SLC10A4: variants seen among roughly 807,000 people sequenced by gnomAD.
SLC10A4 encodes the protein putative sodium/bile acid cotransporter 4.
SLC10A4 carries 17 observed loss-of-function variants against 22.5 expected under a neutral mutation model. The observed-to-expected ratio is 0.76, with a 90% CI of 0.52 to 1.14. SLC10A4 has a LOEUF of 1.14. Among genes scored for constraint, SLC10A4 ranks in the 50% most tolerant of loss-of-function variants. The probability of loss-of-function intolerance (pLI) is 0.00; values close to 1 mark genes in which losing one functional copy is unlikely to be tolerated. For missense variants in SLC10A4, 548 were observed against 584.0 expected (o/e 0.94, Z 0.64); for synonymous variants, 257 against 258.2 (o/e 1.00, Z 0.04).
At position 48,485,064 on chromosome 4, in the gene SLC10A4, C is replaced by T; in HGVS notation, c.723C>T (p.Leu241=). The T allele has an allele frequency of 1.2e-6, 2 of 1,614,144 alleles. No individual in the cohort carries two copies. The highest frequency in any genetic ancestry group is 1.3e-5 in the African/African-American group (1 of 75,036). ...LLPLGTVTLT[L]CSTLIPIGLG... is the part of the protein sequence containing the mutation. ...CCCTAGGGACCGTGACCCTGACTCTCTGCAGCACTCTCATACCTATCGGGT... is the reference window on the plus strand; with the variant it reads ...CCCTAGGGACCGTGACCCTGACTCTTTGCAGCACTCTCATACCTATCGGGT... The change falls in exon 2 of 3, where the codon CTC becomes CTT. Residue 241 remains leucine, a synonymous_variant. Coordinates refer to ENST00000273861, the MANE Select transcript of SLC10A4 (RefSeq NM_152679.4).
In SLC10A4 at chr4:48,488,645, T is replaced by C; in HGVS notation, c.1020T>C (p.Asn340=). 1.2e-6 allele frequency: 2 copies of C among 1,614,164 alleles called. No homozygotes were observed. Among genetic ancestry groups the C allele is most frequent in the Non-Finnish European group, 1.7e-6 (2 of 1,180,030 alleles). ...RTVCLETGSQ[N]VQLCTAILKL... ...TATGTCTGGAAACAGGTAGTCAGAA[T>C]GTGCAGCTCTGTACAGCCATTCTAA... Residue 340 remains asparagine, a synonymous_variant, in exon 3 of 3, where the codon AAT becomes AAC. Coordinates refer to ENST00000273861, the MANE Select transcript of SLC10A4 (RefSeq NM_152679.4).
intron 2 of SLC10A4, among the ~76,000 whole-genome samples, chr4:48,487,768 G>GAA (rs1376022270): frequency 7.5e-6 from 1 of 132,628 alleles, no homozygotes; most frequent in Non-Finnish European, 1.6e-5. Context: ...AGCTTTTGAA[G>GAA]GCTATTTTTT....
At position 48,488,557 on chromosome 4, in the gene SLC10A4, G is replaced by C; in HGVS notation, c.932G>C (p.Gly311Ala). ...YVIAIFMPLA[G>A]YASGYGLATL... ...ATAGCAATTTTTATGCCTTTGGCAG[G>C]CTACGCTTCAGGTTATGGTTTAGCT... Residue 311 changes from glycine (G) to alanine (A), a missense_variant, in exon 3 of 3, where the codon GGC (glycine) becomes GCC (alanine). Transcript: ENST00000273861. 1.2e-6 allele frequency: 2 copies of C among 1,613,896 alleles called. No homozygotes were observed. The highest frequency in any genetic ancestry group is 1.7e-6 in the Non-Finnish European group (2 of 1,179,984).
At chr4:48,487,405 G>A (rs1435758577) in intron 2 of SLC10A4, among the ~76,000 whole-genome samples, 15 of 152,238 alleles carry the variant, frequency 9.9e-5, no homozygotes, top group Non-Finnish European at 1.3e-4. Context: ...ATATTTTGAG[G>A]GTTAAAAAGA....
In SLC10A4 at chr4:48,483,687, C is replaced by A. The variant is rs747233968; in HGVS notation, c.126C>A (p.Ala42=). The change falls in exon 1 of 3, where the codon GCC becomes GCA. Residue 42 remains alanine, a synonymous_variant. Coordinates refer to ENST00000273861, the MANE Select transcript of SLC10A4 (RefSeq NM_152679.4). This position sits in a 1 kb window ranked among gnomAD's most constrained non-coding sequence, Gnocchi z 5.4. ...TDLALAPASS[A]GPGPGLSLGP... ...TCGCCCTCGCCCCTGCCTCCAGCGCCGGCCCCGGCCCTGGGCTCAGCCTCG... is the reference window on the plus strand; with the variant it reads ...TCGCCCTCGCCCCTGCCTCCAGCGCAGGCCCCGGCCCTGGGCTCAGCCTCG... The A allele has an allele frequency of 1.4e-5, 21 of 1,469,262 alleles. No homozygotes were observed. In the Middle Eastern group the frequency reaches 1.1e-3, roughly 74 times the overall value. The allele number at this position is 1,469,262 out of a possible 1,614,324, so 91.0% of individuals were successfully genotyped here. A position where few individuals can be genotyped will look rare whatever the true frequency, so the allele number is the denominator to read the frequency against.
chr4:48,484,899 C>T (rs1262093212), intron 1 of SLC10A4, 33 bp from the exon 2 acceptor site: 2 of 1,592,546 alleles, frequency 1.3e-6, no homozygotes, highest in Non-Finnish European at 1.7e-6. Flanking sequence ...ACTCAAAGCT[C>T]GTTCTGATTT....
Position 48,483,594 on chromosome 4 carries a change from C to T in SLC10A4, c.33C>T (p.Phe11=), listed in dbSNP as rs1718218709. The T allele has an allele frequency of 4.7e-6, 7 of 1,505,094 alleles. No homozygotes were observed. Among genetic ancestry groups the T allele is most frequent in the South Asian group, 1.2e-5 (1 of 81,096 alleles). 93.2% of individuals were successfully genotyped at this position (1,505,094 alleles called of 1,614,324 possible). MDGNDNVTLL[F]APLLRDNYTL... ...GCAACGACAACGTGACCCTGCTCTT[C>T]GCCCCTCTGCTGCGGGACAACTACA... Residue 11 remains phenylalanine, a synonymous_variant, in exon 1 of 3, where the codon TTC becomes TTT. Transcript: ENST00000273861. This position sits in a 1 kb window ranked among gnomAD's most constrained non-coding sequence, Gnocchi z 5.4.
chr4:48,489,161 G>A lies in SLC10A4; in HGVS notation c.*222G>A, dbSNP rs916594783. On this transcript the variant is annotated 3_prime_UTR_variant, in exon 3 of 3. Transcript: ENST00000273861. ...ACCTGGAATGGCTAACGTGAAGCCT[G>A]AATTAAATGTGGTTTTTAGTTTTTA... 8 of 447,692 alleles carry A rather than the reference G, an allele frequency of 1.8e-5. No individual in the cohort carries two copies. The highest frequency in any genetic ancestry group is 2.7e-5 in the Non-Finnish European group (7 of 262,020). The allele number at this position is 447,692 out of a possible 1,614,324, so 27.7% of individuals were successfully genotyped here.
chr4:48,484,301 G>A, intron 1 of SLC10A4, 150 bp downstream of exon 1: 1 of 818,686 alleles, frequency 1.2e-6, no homozygotes, highest in African/African-American at 1.7e-5. Context: ...TGACGCCCCG[G>A]CTTTAGAAGT....
At position 48,485,155 on chromosome 4, in the gene SLC10A4, C is replaced by T. The variant is rs747666032; in HGVS notation, c.801+13C>T. 6.2e-7 allele frequency: 1 copy of T among 1,612,926 alleles called. No individual in the cohort carries two copies. Among genetic ancestry groups the T allele is most frequent in the South Asian group, 1.1e-5 (1 of 91,032 alleles). ...CTACATTGTGAAGGTAAGGCCCCCT[C>T]TTCCCTTTCCATACTAGCTTGGAGA... On this transcript the variant is annotated intron_variant, in intron 2 of 2. Coordinates refer to ENST00000273861, the MANE Select transcript of SLC10A4 (RefSeq NM_152679.4).
rs754095845 is a variant in SLC10A4, at chr4:48,488,930, TTCTC to T, written c.1309_1312del (p.Leu437LysfsTer12). Reference sequence around the variant, plus strand: ...TAATAATGATGGAAACCGCTCAGACTTCTCTCTAAATGTGGAGATACACAGGAGC... The same window carrying T: ...TAATAATGATGGAAACCGCTCAGACTTCTAAATGTGGAGATACACAGGAGC... On this transcript the variant is annotated frameshift_variant, in exon 3 of 3. Coordinates refer to ENST00000273861, the MANE Select transcript of SLC10A4 (RefSeq NM_152679.4). LOFTEE classifies it high-confidence loss of function. The T allele has an allele frequency of 3.5e-5, 55 of 1,589,750 alleles. 1 individual carries two copies. The South Asian group carries it at 4.4e-4, about 13-fold the overall frequency.
In SLC10A4 at chr4:48,483,531, G is replaced by T. The variant is rs1347619052; in HGVS notation, c.-31G>T. 1 of 1,476,396 alleles carries T rather than the reference G, an allele frequency of 6.8e-7. No individual in the cohort carries two copies. The highest frequency in any genetic ancestry group is 2.3e-5 in the Admixed American group (1 of 42,982). 91.5% of individuals were successfully genotyped at this position (1,476,396 alleles called of 1,614,324 possible). ...GGACGGCGAGAGGCACGCGGCGGGA[G>T]GGGACCGGAATCCGCAGCTCCGGCC... On this transcript the variant is annotated 5_prime_UTR_variant, in exon 1 of 3. The change creates a new upstream start codon in the 5' untranslated region. Transcript: ENST00000273861. The surrounding 1 kb of genome is among the most constrained non-coding windows in gnomAD (Gnocchi z 5.4).
At chr4:48,486,556 T>G (rs1251898117) in intron 2 of SLC10A4, among the ~76,000 whole-genome samples, 1 of 150,652 alleles carries the variant, frequency 6.6e-6, no homozygotes, top group African/African-American at 2.4e-5. Context: ...GACATAAGAT[T>G]AGCTACCTTT....
In SLC10A4 at chr4:48,489,490, C is replaced by T. The variant is rs1718349793; in HGVS notation, c.*551C>T. 6.6e-6 allele frequency among the ~76,000 whole-genome samples: 1 copy of T among 152,228 alleles called. No individual in the cohort carries two copies. Among genetic ancestry groups the T allele is most frequent in the Non-Finnish European group, 1.5e-5 (1 of 68,042 alleles). ...TGTATTTGATTACTTGATCTGGTAT[C>T]TACTTATTAATGAATAATCAACATT... On this transcript the variant is annotated 3_prime_UTR_variant, in exon 3 of 3. Coordinates refer to ENST00000273861, the MANE Select transcript of SLC10A4 (RefSeq NM_152679.4).
Position 48,489,235 on chromosome 4 carries a change from C to T in SLC10A4, c.*296C>T, listed in dbSNP as rs1259131406. On this transcript the variant is annotated 3_prime_UTR_variant, in exon 3 of 3. Transcript: ENST00000273861. ...TGCAAATACAGAATCTATTAGAAAA[C>T]AGGGTCTTGGAAATGTAGAATTTTG... The T allele has an allele frequency of 4.1e-6, 1 of 244,554 alleles. No homozygotes were observed. The highest frequency in any genetic ancestry group is 2.3e-5 in the African/African-American group (1 of 44,374). 15.1% of individuals were successfully genotyped at this position (244,554 alleles called of 1,614,324 possible). A position where few individuals can be genotyped will look rare whatever the true frequency, so the allele number is the denominator to read the frequency against.
chr4:48,485,684 T>C (rs1405473487), intron 2 of SLC10A4, among the ~76,000 whole-genome samples: 1 of 152,158 alleles, frequency 6.6e-6, no homozygotes, highest in Non-Finnish European at 1.5e-5. Flanking sequence ...ACACACAAAA[T>C]ATTGGCTTTA....
chr4:48,487,185 A>G (rs1186902143), intron 2 of SLC10A4, among the ~76,000 whole-genome samples: 1 of 152,230 alleles, frequency 6.6e-6, no homozygotes, highest in Non-Finnish European at 1.5e-5. Context: ...TTTTATACAG[A>G]AGTCAGTTGT....
In SLC10A4 at chr4:48,483,824, C is replaced by T. The variant is rs1006155467; in HGVS notation, c.263C>T (p.Pro88Leu). The T allele has an allele frequency of 5.9e-6, 9 of 1,532,728 alleles. No homozygotes were observed. The Admixed American group carries it at 9.9e-5, about 17-fold the overall frequency. 94.9% of individuals were successfully genotyped at this position (1,532,728 alleles called of 1,614,324 possible). ...CACGGCCCTTCCCCGTTCCCTCGGC[C>T]CTGGGCGCCCCACGCGCTCCCGTTC... ...ASHGPSPFPR[P>L]WAPHALPFWD... Residue 88 changes from proline to leucine, a missense_variant, in exon 1 of 3, where the codon CCC (proline) becomes CTC (leucine). By Grantham distance (98) the Pro-to-Leu change is moderately conservative. Coordinates refer to ENST00000273861, the MANE Select transcript of SLC10A4 (RefSeq NM_152679.4). This position sits in a 1 kb window ranked among gnomAD's most constrained non-coding sequence, Gnocchi z 5.4.
intron 2 of SLC10A4, 118 bp from the exon 3 acceptor site, chr4:48,488,309 G>A: frequency 1.1e-6 from 1 of 910,770 alleles, no homozygotes; most frequent in Non-Finnish European, 1.6e-6. Context: ...GAAATATTCT[G>A]TCAAAGGTCT....
Sources: gnomAD v4.1 joint callset for allele counts (sites outside exome capture counted in the v4.1 genomes callset) on GRCh38, gnomAD v4.1.1 for gene constraint, Gnocchi (gnomAD v3.1) non-coding constraint, MANE v1.5 for transcripts, NCBI Gene and HGNC (gene_info 2026-07-23, HGNC 2026-07-21) for gene names.